Variants in HEY1 observed in about 807,000 individuals in gnomAD.
HEY1 encodes the protein hairy/enhancer-of-split related with YRPW motif protein 1.
HEY1 carries 9 observed loss-of-function variants against 28.7 expected under a neutral mutation model. That is an observed-to-expected ratio of 0.31 (90% CI 0.19 to 0.55). The LOEUF (loss-of-function observed/expected upper bound fraction) is 0.55, where lower values mean the gene tolerates loss of function less well. Among genes scored for constraint, HEY1 ranks in the 20% least tolerant of loss-of-function variants. The pLI, the probability that HEY1 is intolerant of heterozygous loss-of-function variation, is 0.93. For missense variants in HEY1, 385 were observed against 399.4 expected (o/e 0.96, Z 0.31); for synonymous variants, 213 against 175.6 (o/e 1.21, Z -1.68).
In HEY1 at chr8:79,764,467, GACCTA is replaced by G. The variant is rs1483663579; in HGVS notation, c.*716_*720del. The G allele has an allele frequency of 8.8e-6, 2 of 226,962 alleles. No homozygotes were observed. Among genetic ancestry groups the G allele is most frequent in the African/African-American group, 2.2e-5 (1 of 44,942 alleles). 14.1% of individuals were successfully genotyped at this position (226,962 alleles called of 1,614,324 possible). On this transcript the variant is annotated 3_prime_UTR_variant, in exon 5 of 5. Transcript: ENST00000354724. ...TCCTTTCCACCAACACTCCAAATGAGACCTAACCTATCAGCGGCTCTCTCCTAACT... is the reference window on the plus strand; with the variant it reads ...TCCTTTCCACCAACACTCCAAATGAGACCTATCAGCGGCTCTCTCCTAACT...
chr8:79,764,032 T>G lies in HEY1; in HGVS notation c.*1156A>C, dbSNP rs1807767204. On this transcript the variant is annotated 3_prime_UTR_variant, in exon 5 of 5. Coordinates refer to ENST00000354724, the MANE Select transcript of HEY1 (RefSeq NM_012258.4). ...GAATACTTTGTTCTTTCTTTTTTAT[T>G]TAGTCACAACACATCAGTACAACAG... 1 of 181,298 alleles carries G rather than the reference T, an allele frequency of 5.5e-6. No individual in the cohort carries two copies. The highest frequency in any genetic ancestry group is 1.2e-5 in the Non-Finnish European group (1 of 84,996). The allele number at this position is 181,298 out of a possible 1,614,324, so 11.2% of individuals were successfully genotyped here.
In HEY1 at chr8:79,764,833, T is replaced by G; in HGVS notation, c.*355A>C. On this transcript the variant is annotated 3_prime_UTR_variant, in exon 5 of 5. Coordinates refer to ENST00000354724, the MANE Select transcript of HEY1 (RefSeq NM_012258.4). ...AAGGAGAAAAACAGACCAAAAATAC[T>G]AAATGTTAAGATTCCCCAAATTTTG... 1 of 240,450 alleles carries G rather than the reference T, an allele frequency of 4.2e-6. No homozygotes were observed. 14.9% of individuals were successfully genotyped at this position (240,450 alleles called of 1,614,324 possible).
Position 79,765,377 on chromosome 8 carries a change from AGGGAGCACC to A in HEY1, c.717_725del (p.Leu241_Val243del). ...ACAGTTTGGAGGCGGAGGTGACCAC[AGGGAGCACC>A]GGTCCGAGGCTGCCGCTAGGGGGCG... On this transcript the variant is annotated inframe_deletion, in exon 5 of 5. Coordinates refer to ENST00000354724, the MANE Select transcript of HEY1 (RefSeq NM_012258.4). 3.8e-6 allele frequency: 6 copies of A among 1,595,724 alleles called. No homozygotes were observed. Among genetic ancestry groups the A allele is most frequent in the Non-Finnish European group, 5.1e-6 (6 of 1,171,092 alleles).
At chr8:79,766,052 C>G (rs1315519705) in intron 4 of HEY1, 1 of 670,440 alleles carries the variant, frequency 1.5e-6, no homozygotes. Context: ...TTAATGTTTT[C>G]CCTCAACAAC....
In HEY1 at chr8:79,765,458, G is replaced by A. The variant is rs1340265557; in HGVS notation, c.645C>T (p.His215=). 3 of 1,613,176 alleles carry A rather than the reference G, an allele frequency of 1.9e-6. No homozygotes were observed. In the South Asian group the frequency reaches 3.3e-5, roughly 18 times the overall value. ...GATGTGCCGAGCCCAGCCTGCCCTG[G>A]TGGTGCGGTTCCGTGGGTGAGGCCG... ...GTTASPTEPH[H]QGRLGSAHPE... Residue 215 remains histidine (H), a synonymous_variant, in exon 5 of 5, where the codon CAC becomes CAT. Transcript: ENST00000354724.
chr8:79,765,066 A>G lies in HEY1; in HGVS notation c.*122T>C. The G allele has an allele frequency of 1.6e-6, 1 of 644,322 alleles. No homozygotes were observed. The highest frequency in any genetic ancestry group is 2.5e-6 in the Non-Finnish European group (1 of 406,356). The allele number at this position is 644,322 out of a possible 1,614,324, so 39.9% of individuals were successfully genotyped here. On this transcript the variant is annotated 3_prime_UTR_variant, in exon 5 of 5. Transcript: ENST00000354724. ...AACAAACCTTTAGTCTTTAAAAAAA[A>G]AATTATCTGAAAGTGTACCTTTTTC...
chr8:79,767,738 G>A lies in HEY1; in HGVS notation c.-75C>T, dbSNP rs1370796084. The A allele has an allele frequency of 1.9e-6, 2 of 1,038,836 alleles. No individual in the cohort carries two copies. Among genetic ancestry groups the A allele is most frequent in the Non-Finnish European group, 2.9e-6 (2 of 692,544 alleles). 64.4% of individuals were successfully genotyped at this position (1,038,836 alleles called of 1,614,324 possible). Reference sequence around the variant, plus strand: ...GAGTTAACTACAGCGGCGCCTCTCCGCTCTCGGCTGCTTGCGTTCCGCACA... The same window carrying A: ...GAGTTAACTACAGCGGCGCCTCTCCACTCTCGGCTGCTTGCGTTCCGCACA... On this transcript the variant is annotated 5_prime_UTR_variant, in exon 1 of 5. Coordinates refer to ENST00000354724, the MANE Select transcript of HEY1 (RefSeq NM_012258.4).
Position 79,765,067 on chromosome 8 carries a change from A to T in HEY1, c.*121T>A. Reference sequence around the variant, plus strand: ...ACAAACCTTTAGTCTTTAAAAAAAAAATTATCTGAAAGTGTACCTTTTTCC... The same window carrying T: ...ACAAACCTTTAGTCTTTAAAAAAAATATTATCTGAAAGTGTACCTTTTTCC... On this transcript the variant is annotated 3_prime_UTR_variant, in exon 5 of 5. Coordinates refer to ENST00000354724, the MANE Select transcript of HEY1 (RefSeq NM_012258.4). The T allele has an allele frequency of 1.5e-6, 1 of 645,572 alleles. No individual in the cohort carries two copies. The allele number at this position is 645,572 out of a possible 1,614,324, so 40.0% of individuals were successfully genotyped here.
In HEY1 at chr8:79,767,046, TCAGA is replaced by T. The variant is rs1286032349; in HGVS notation, c.208_211del (p.Glu71Ter). 4.3e-6 allele frequency: 7 copies of T among 1,614,104 alleles called. No homozygotes were observed. Among genetic ancestry groups the T allele is most frequent in the Admixed American group, 1.7e-5 (1 of 60,016 alleles). On this transcript the variant is annotated frameshift_variant, in exon 3 of 5. Coordinates refer to ENST00000354724, the MANE Select transcript of HEY1 (RefSeq NM_012258.4). LOFTEE classifies it high-confidence loss of function. ...AGCACTGGGTACCAGCCTTCTCAGC[TCAGA>T]CAAACTGTTATTGATCCGGTCTCGT...
chr8:79,767,701 G>A lies in HEY1; in HGVS notation c.-38C>T. ...GGGGTTCCTGGGGAGGGTCGGCGCG[G>A]CGGGCAGGGAGGAGTTAACTACAGC... On this transcript the variant is annotated 5_prime_UTR_variant, in exon 1 of 5. Coordinates refer to ENST00000354724, the MANE Select transcript of HEY1 (RefSeq NM_012258.4). 6.6e-7 allele frequency: 1 copy of A among 1,511,528 alleles called. No individual in the cohort carries two copies. The highest frequency in any genetic ancestry group is 9.0e-7 in the Non-Finnish European group (1 of 1,113,602). 93.6% of individuals were successfully genotyped at this position (1,511,528 alleles called of 1,614,324 possible).
At chr8:79,767,462 C>T in intron 1 of HEY1, 113 bp downstream of exon 1, 1 of 1,171,460 alleles carries the variant, frequency 8.5e-7, no homozygotes. Context: ...CTGCGACGCG[C>T]GGAGGTCAGC....
chr8:79,765,762 T>G lies in HEY1; in HGVS notation c.341A>C (p.Asp114Ala). ...LHTAGGKGYF[D>A]AHALAMDYRS... is the part of the protein sequence containing the mutation. ...ATAGTCCATAGCAAGGGCGTGCGCG[T>G]CAAAGTAACCTAAGCAAAAGAACAA... The change falls in exon 5 of 5, where the codon GAC becomes GCC. Residue 114 changes from aspartate (D) to alanine (A), a missense_variant. Transcript: ENST00000354724. The G allele has an allele frequency of 6.2e-7, 1 of 1,603,942 alleles. No individual in the cohort carries two copies. The highest frequency in any genetic ancestry group is 1.7e-5 in the Admixed American group (1 of 59,550).
At position 79,764,287 on chromosome 8, in the gene HEY1, T is replaced by A. The variant is rs1807774070; in HGVS notation, c.*901A>T. On this transcript the variant is annotated 3_prime_UTR_variant, in exon 5 of 5. Transcript: ENST00000354724. Reference sequence around the variant, plus strand: ...GTCCCAGGAAAATTAGGTTATGCATTTAACAGTTTCCACTGTACTACTCAA... The same window carrying A: ...GTCCCAGGAAAATTAGGTTATGCATATAACAGTTTCCACTGTACTACTCAA... 4.4e-6 allele frequency: 1 copy of A among 226,220 alleles called. No homozygotes were observed. Among genetic ancestry groups the A allele is most frequent in the Non-Finnish European group, 8.8e-6 (1 of 113,748 alleles). 14.0% of individuals were successfully genotyped at this position (226,220 alleles called of 1,614,324 possible).
chr8:79,767,260 T>C lies in HEY1; in HGVS notation c.124A>G (p.Thr42Ala), dbSNP rs144815296. 15 of 1,614,034 alleles carry C rather than the reference T, an allele frequency of 9.3e-6. No individual in the cohort carries two copies. The highest frequency in any genetic ancestry group is 2.2e-5 in the East Asian group (1 of 44,888). ...LSSALGSMSPTTSSQILARKR... is the reference protein window; with the variant it reads ...LSSALGSMSPATSSQILARKR... Reference sequence around the variant, plus strand: ...CTGGCCAAAATCTGGGAAGATGTAGTTGGGGACATGGAACCTAGAGCCGAA... The same window carrying C: ...CTGGCCAAAATCTGGGAAGATGTAGCTGGGGACATGGAACCTAGAGCCGAA... The change falls in exon 2 of 5, where the codon ACT becomes GCT. Residue 42 changes from threonine (T) to alanine (A), a missense_variant. Thr to Ala is a moderately conservative substitution (Grantham distance 58). This residue lies in a region of HEY1 where 79 missense variants were observed against 60.7 expected (regional missense o/e 1.30). Coordinates refer to ENST00000354724, the MANE Select transcript of HEY1 (RefSeq NM_012258.4).
chr8:79,767,477 G>C, intron 1 of HEY1, 98 bp downstream of exon 1: 1 of 1,280,082 alleles, frequency 7.8e-7, no homozygotes, highest in Non-Finnish European at 1.1e-6. Flanking sequence ...GTCAGCGCAG[G>C]GCACCGGCGC....
chr8:79,765,747 G>C lies in HEY1; in HGVS notation c.356C>G (p.Ala119Gly), dbSNP rs1369238339. The change falls in exon 5 of 5, where the codon GCT becomes GGT. Residue 119 changes from alanine to glycine, a missense_variant. Physicochemically the swap from Ala to Gly is moderately conservative, Grantham distance 60. Transcript: ENST00000354724. ...GKGYFDAHAL[A>G]MDYRSLGFRE... ...AAATCCCAAACTCCGATAGTCCATA[G>C]CAAGGGCGTGCGCGTCAAAGTAACC... The C allele has an allele frequency of 6.2e-7, 1 of 1,608,818 alleles. No homozygotes were observed. The highest frequency in any genetic ancestry group is 1.1e-5 in the South Asian group (1 of 91,028).
intron 4 of HEY1, chr8:79,766,202 C>A: frequency 6.5e-7 from 1 of 1,534,376 alleles, no homozygotes. Context: ...TACACACAGA[C>A]CTTGGTCTCC....
Position 79,767,694 on chromosome 8 carries a change from C to T in HEY1, c.-31G>A. On this transcript the variant is annotated 5_prime_UTR_variant, in exon 1 of 5. Transcript: ENST00000354724. ...CTCCCTGGGGGTTCCTGGGGAGGGT[C>T]GGCGCGGCGGGCAGGGAGGAGTTAA... is the stretch of plus-strand genomic sequence containing the variant. The T allele has an allele frequency of 6.5e-7, 1 of 1,538,160 alleles. No individual in the cohort carries two copies. Among genetic ancestry groups the T allele is most frequent in the South Asian group, 1.2e-5 (1 of 84,720 alleles).
At chr8:79,766,936 A>G in intron 3 of HEY1, 73 bp downstream of exon 3, 1 of 1,352,350 alleles carries the variant, frequency 7.4e-7, no homozygotes, top group South Asian at 1.2e-5. Flanking sequence ...TCCAAGGCGG[A>G]TGAGATTAAT....
Sources: gnomAD v4.1 joint callset for allele counts on GRCh38, gnomAD v4.1.1 for gene constraint, gnomAD v4.1.1 regional missense constraint, MANE v1.5 for transcripts, NCBI Gene and HGNC (gene_info 2026-07-23, HGNC 2026-07-21) for gene names.